Variants in CCDC178 observed in about 807,000 individuals in gnomAD.
CCDC178 encodes the protein coiled-coil domain-containing protein 178.
In CCDC178, 126 loss-of-function variants were observed where a neutral mutation model predicts 117.4. The observed-to-expected ratio is 1.07, with a 90% CI of 0.93 to 1.24. The LOEUF (loss-of-function observed/expected upper bound fraction) is 1.24, where lower values mean the gene tolerates loss of function less well. Ranked by LOEUF, CCDC178 falls within the 50% of genes most tolerant of loss-of-function variation. The pLI is 0.00. For missense variants in CCDC178, 1,030 were observed against 986.9 expected, an observed-to-expected ratio of 1.04 and a Z score of -0.59; for synonymous variants, 283 against 313.4, an observed-to-expected ratio of 0.90 and a Z score of 1.02.
intron 11 of CCDC178, among the ~76,000 whole-genome samples, chr18:33,304,263 C>G (rs1051016332): frequency 1.3e-5 from 2 of 152,180 alleles, no homozygotes; most frequent in African/African-American, 4.8e-5. Flanking sequence ...TAACATACTA[C>G]AAATACTTCT....
intron 19 of CCDC178, among the ~76,000 whole-genome samples, chr18:33,215,027 C>T (rs1469345825): frequency 9.2e-5 from 14 of 151,712 alleles, no homozygotes; most frequent in Non-Finnish European, 4.4e-5. Flanking sequence ...CTATGGATAC[C>T]CAATGAGCCT....
intron 14 of CCDC178, among the ~76,000 whole-genome samples, chr18:33,248,581 A>G (rs1371316142): frequency 1.3e-5 from 2 of 151,992 alleles, no homozygotes; most frequent in Non-Finnish European, 2.9e-5. Flanking sequence ...CCATGTCCCT[A>G]CAAAGGACAT....
chr18:33,316,074 G>A (rs2062411021), intron 11 of CCDC178, among the ~76,000 whole-genome samples: 1 of 152,192 alleles, frequency 6.6e-6, no homozygotes, highest in African/African-American at 2.4e-5. Context: ...TGGCAGTCCT[G>A]GCAGCCCTCG....
At chr18:33,430,422 A>G (rs572009791) in intron 2 of CCDC178, among the ~76,000 whole-genome samples, 97 of 152,334 alleles carry the variant, frequency 6.4e-4, no homozygotes, top group African/African-American at 2.0e-3. Context: ...GAAATAGGAA[A>G]ACAATATTTG....
chr18:33,379,335 T>C (rs896389787), intron 5 of CCDC178, among the ~76,000 whole-genome samples: 1 of 151,990 alleles, frequency 6.6e-6, no homozygotes, highest in African/African-American at 2.4e-5. Context: ...GCAGGTTTTC[T>C]ATTAGGCTGT....
chr18:33,429,248 C>G (rs2064171470), intron 2 of CCDC178, among the ~76,000 whole-genome samples: 1 of 151,616 alleles, frequency 6.6e-6, no homozygotes, highest in Non-Finnish European at 1.5e-5. Context: ...AATATCCAAA[C>G]AGAAAAGATG....
chr18:33,237,600 C>T (rs763438150), intron 15 of CCDC178, among the ~76,000 whole-genome samples: 1 of 151,724 alleles, frequency 6.6e-6, no homozygotes, highest in African/African-American at 2.4e-5. Context: ...ATCTGCATGC[C>T]CATGTTCTAG....
intron 21 of CCDC178, among the ~76,000 whole-genome samples, chr18:32,976,181 CTT>C (rs1377850660): frequency 6.6e-6 from 1 of 152,018 alleles, no homozygotes; most frequent in East Asian, 1.9e-4. Context: ...TAAATTAAAA[CTT>C]AGCATTATTA....
At chr18:33,285,120 T>G (rs2060082724) in intron 12 of CCDC178, among the ~76,000 whole-genome samples, 1 of 152,050 alleles carries the variant, frequency 6.6e-6, no homozygotes, top group South Asian at 2.1e-4. Context: ...ATTAAAAATT[T>G]TAAAATCTAA....
At chr18:33,417,536 AC>A (rs2063962043) in intron 2 of CCDC178, among the ~76,000 whole-genome samples, 10 of 714 alleles carry the variant, frequency 0.014, no homozygotes, top group Non-Finnish European at 0.2. Flanking sequence ...AGAGCTGTAT[AC>A]ACACACACAC....
intron 12 of CCDC178, among the ~76,000 whole-genome samples, chr18:33,277,426 T>C (rs1169120586): frequency 6.6e-6 from 1 of 152,140 alleles, no homozygotes; most frequent in Non-Finnish European, 1.5e-5. Flanking sequence ...TGACACAAAA[T>C]GTCATTGAAC....
intron 10 of CCDC178, among the ~76,000 whole-genome samples, chr18:33,329,085 T>G (rs1445260374): frequency 6.6e-6 from 1 of 152,142 alleles, no homozygotes. Flanking sequence ...TAATTTTTTT[T>G]GGATTGTTCA....
chr18:32,946,536 C>T (rs2054352694), intron 22 of CCDC178, among the ~76,000 whole-genome samples: 1 of 152,066 alleles, frequency 6.6e-6, no homozygotes. Flanking sequence ...TATACTGATC[C>T]TCAAATTATT....
chr18:33,348,810 G>T, intron 8 of CCDC178, 80 bp downstream of exon 8: 3 of 867,432 alleles, frequency 3.5e-6, no homozygotes, highest in Non-Finnish European at 5.6e-6. Context: ...CATGATTATT[G>T]TGACAATCAG....
rs142159715 is a variant in CCDC178, at chr18:33,377,188, T to C, written c.209-6999A>G. Among the ~76,000 whole-genome samples, 18 of 152,358 alleles carry C rather than the reference T, an allele frequency of 1.2e-4. No homozygotes were observed. The East Asian group carries it at 3.5e-3, about 29-fold the overall frequency. The stretch of plus-strand genomic sequence containing the variant: ...TCTCATTGTGGTTTTCATTTGCATT[T>C]CTCTAATGATTAGTGATGTTGAACA... On this transcript the variant is annotated intron_variant, in intron 5 of 22. Coordinates refer to ENST00000383096, the MANE Select transcript of CCDC178 (RefSeq NM_001105528.4).
intron 22 of CCDC178, among the ~76,000 whole-genome samples, chr18:32,962,034 T>A (rs919791619): frequency 6.6e-6 from 1 of 151,574 alleles, no homozygotes; most frequent in Non-Finnish European, 1.5e-5. Flanking sequence ...CTTTTTAGAA[T>A]TCCATGTTAA....
chr18:33,159,119 T>C (rs1205870556), intron 20 of CCDC178, among the ~76,000 whole-genome samples: 1 of 152,084 alleles, frequency 6.6e-6, no homozygotes, highest in African/African-American at 2.4e-5. Flanking sequence ...GATTAATTTA[T>C]TATGGGTCAC....
intron 11 of CCDC178, among the ~76,000 whole-genome samples, chr18:33,315,563 T>C (rs1227727705): frequency 1.3e-5 from 2 of 152,108 alleles, no homozygotes; most frequent in Non-Finnish European, 2.9e-5. Flanking sequence ...CATACACGGA[T>C]ATAAAAAGGT....
intron 21 of CCDC178, among the ~76,000 whole-genome samples, chr18:32,975,221 T>C (rs2055007139): frequency 6.6e-6 from 1 of 152,164 alleles, no homozygotes; most frequent in Non-Finnish European, 1.5e-5. Context: ...CATCAACTGC[T>C]GAGGGAGAAC....
Sources: allele counts gnomAD v4.1 joint callset (sites outside exome capture counted in the v4.1 genomes callset), GRCh38; gene constraint gnomAD v4.1.1; transcripts MANE v1.5; gene names NCBI Gene and HGNC (gene_info 2026-07-23, HGNC 2026-07-21).